The following GRIA1 variants were observed in gnomAD, a reference collection of about 807,000 sequenced individuals.
GRIA1 encodes glutamate ionotropic receptor AMPA type subunit 1.
A neutral mutation model predicts 99.2 loss-of-function variants in GRIA1; 31 were observed. The ratio of observed to expected loss-of-function variants is 0.31; its 90% CI spans 0.23 to 0.42. The LOEUF is 0.42. Among genes scored for constraint, GRIA1 ranks in the 10% least tolerant of loss-of-function variants. The pLI, the probability that GRIA1 is intolerant of heterozygous loss-of-function variation, is 1.00. For missense variants in GRIA1, 782 were observed against 1,157.5 expected, an observed-to-expected ratio of 0.68 and a Z score of 4.71; for synonymous variants, 438 against 432.4, an observed-to-expected ratio of 1.01 and a Z score of -0.16.
intron 2 of GRIA1, among the ~76,000 whole-genome samples, chr5:153,639,621 G>A (rs1412105978): frequency 1.3e-5 from 2 of 152,124 alleles, no homozygotes; most frequent in Non-Finnish European, 2.9e-5. Context: ...TATTTTCTTT[G>A]TAATATTCGC....
chr5:153,650,623 C>G (rs955687030), intron 4 of GRIA1, 109 bp downstream of exon 4: 7 of 962,084 alleles, frequency 7.3e-6, no homozygotes, highest in Non-Finnish European at 1.1e-5. Flanking sequence ...GGGTTCTTGA[C>G]TAGGTGAGAC....
At chr5:153,711,040 G>A (rs1395934984) in intron 11 of GRIA1, among the ~76,000 whole-genome samples, 2 of 152,190 alleles carry the variant, frequency 1.3e-5, no homozygotes, top group African/African-American at 4.8e-5. Flanking sequence ...CTGCTCTCAA[G>A]GACTGGAGGA....
intron 2 of GRIA1, among the ~76,000 whole-genome samples, chr5:153,574,713 G>A (rs1416857176): frequency 6.6e-6 from 1 of 152,110 alleles, no homozygotes; most frequent in Non-Finnish European, 1.5e-5. Flanking sequence ...ATTTTTGTCT[G>A]AGGCAAAGCA....
At chr5:153,599,519 C>G (rs570465730) in intron 2 of GRIA1, among the ~76,000 whole-genome samples, 1 of 152,170 alleles carries the variant, frequency 6.6e-6, no homozygotes, top group Admixed American at 6.5e-5. Context: ...TAGGCACATC[C>G]TCTCACATAC....
Position 153,674,491 on chromosome 5 carries a change from C to A in GRIA1, c.700-9C>A. ...ATGTTCTAACTTCTCCCTCCTCCCC[C>A]TCTCACAGGGCTTCATGGACATTGA... On this transcript the variant is annotated splice_polypyrimidine_tract_variant and intron_variant, in intron 5 of 15. Coordinates refer to ENST00000285900, the MANE Select transcript of GRIA1 (RefSeq NM_000827.4). 6.2e-7 allele frequency: 1 copy of A among 1,614,020 alleles called. No homozygotes were observed. Among genetic ancestry groups the A allele is most frequent in the Non-Finnish European group, 8.5e-7 (1 of 1,179,912 alleles).
At chr5:153,612,219 G>A (rs1469864802) in intron 2 of GRIA1, among the ~76,000 whole-genome samples, 1 of 152,216 alleles carries the variant, frequency 6.6e-6, no homozygotes, top group Non-Finnish European at 1.5e-5. Context: ...TGAATAGATA[G>A]GAGTGCTGAG....
At position 153,605,428 on chromosome 5, in the gene GRIA1, C is replaced by T. The variant is rs539214891; in HGVS notation, c.221-41500C>T. Among the ~76,000 whole-genome samples, 11 of 152,176 alleles carry T rather than the reference C, an allele frequency of 7.2e-5. 1 individual carries two copies. In the South Asian group the frequency reaches 1.2e-3, roughly 17 times the overall value. On this transcript the variant is annotated intron_variant, in intron 2 of 15. Coordinates refer to ENST00000285900, the MANE Select transcript of GRIA1 (RefSeq NM_000827.4). ...TTCTACTCTTGATGGACATTTGGGCCGTTTACACTTTTGAATAATGAGTCT... is the reference window on the plus strand; with the variant it reads ...TTCTACTCTTGATGGACATTTGGGCTGTTTACACTTTTGAATAATGAGTCT...
At position 153,749,709 on chromosome 5, in the gene GRIA1, G is replaced by A. The variant is rs192989005; in HGVS notation, c.1824-14725G>A. 6.6e-5 allele frequency among the ~76,000 whole-genome samples: 10 copies of A among 152,152 alleles called. No individual in the cohort carries two copies. In the East Asian group the frequency reaches 1.7e-3, roughly 26 times the overall value. On this transcript the variant is annotated intron_variant, in intron 11 of 15. Transcript: ENST00000285900. ...AACACTGGGGATCAAATTTGAACATGAGATTTGGAGGGACAAACATCCAAA... is the reference window on the plus strand; with the variant it reads ...AACACTGGGGATCAAATTTGAACATAAGATTTGGAGGGACAAACATCCAAA...
intron 10 of GRIA1, among the ~76,000 whole-genome samples, chr5:153,702,175 A>T (rs962663207): frequency 6.6e-6 from 1 of 152,212 alleles, no homozygotes; most frequent in Non-Finnish European, 1.5e-5. Context: ...AGGCGGTAAA[A>T]CCAATATTAA....
chr5:153,514,690 C>T (rs964191251), intron 2 of GRIA1, among the ~76,000 whole-genome samples: 1 of 152,106 alleles, frequency 6.6e-6, no homozygotes, highest in South Asian at 2.1e-4. Context: ...TAGTTCCATA[C>T]AAATTTTGGG....
rs185898538 is a variant in GRIA1 at position 153,643,274 on chromosome 5, C to G, written c.221-3654C>G. Among the ~76,000 whole-genome samples the G allele has an allele frequency of 2.0e-5, 3 of 152,300 alleles. No homozygotes were observed. The East Asian group carries it at 5.8e-4, about 29-fold the overall frequency. On this transcript the variant is annotated intron_variant, in intron 2 of 15. Coordinates refer to ENST00000285900, the MANE Select transcript of GRIA1 (RefSeq NM_000827.4). ...TTAAGCATTATAGAGATCAAACAATCATTTCACAGATGGGAAAGCTGAGGC... is the reference window on the plus strand; with the variant it reads ...TTAAGCATTATAGAGATCAAACAATGATTTCACAGATGGGAAAGCTGAGGC...
chr5:153,621,974 C>T lies in GRIA1; in HGVS notation c.221-24954C>T, dbSNP rs145076477. On this transcript the variant is annotated intron_variant, in intron 2 of 15. Transcript: ENST00000285900. Reference sequence around the variant, plus strand: ...ACAGGATTCAAATGGAGATCATCACCATTCTAGGAGCTGCTAAACAGAACA... The same window carrying T: ...ACAGGATTCAAATGGAGATCATCACTATTCTAGGAGCTGCTAAACAGAACA... Among the ~76,000 whole-genome samples the T allele has an allele frequency of 5.6e-3, 852 of 152,246 alleles. 9 individuals carry two copies. Among genetic ancestry groups the T allele is most frequent in the African/African-American group, 0.019 (781 of 41,542 alleles).
chr5:153,658,890 C>T (rs1440893753), intron 5 of GRIA1, among the ~76,000 whole-genome samples: 2 of 152,042 alleles, frequency 1.3e-5, no homozygotes, highest in Non-Finnish European at 2.9e-5. Flanking sequence ...CAAATAGCCA[C>T]CTTTGAAGGG....
At chr5:153,597,179 G>A (rs142004036) in intron 2 of GRIA1, among the ~76,000 whole-genome samples, 28 of 152,304 alleles carry the variant, frequency 1.8e-4, no homozygotes, top group African/African-American at 3.4e-4. Context: ...TTGAAGGGGC[G>A]CTTTGGTCAA....
chr5:153,799,505 T>C (rs558505838), intron 14 of GRIA1, among the ~76,000 whole-genome samples: 1 of 152,276 alleles, frequency 6.6e-6, no homozygotes, highest in South Asian at 2.1e-4. Flanking sequence ...TCCTCAGCTA[T>C]CTGGACTAAG....
At position 153,755,847 on chromosome 5, in the gene GRIA1, A is replaced by G. The variant is rs572841781; in HGVS notation, c.1824-8587A>G. On this transcript the variant is annotated intron_variant, in intron 11 of 15. Transcript: ENST00000285900. ...CACTGGCAGAGCCCAAGACCTAAGC[A>G]GGCTGTTTTAAGAGTGTAGAACAGC... Among the ~76,000 whole-genome samples, 588 of 152,350 alleles carry G rather than the reference A, an allele frequency of 3.9e-3. 8 individuals are homozygous for G. The highest frequency in any genetic ancestry group is 0.013 in the African/African-American group (555 of 41,580).
At chr5:153,520,399 A>G (rs578153578) in intron 2 of GRIA1, among the ~76,000 whole-genome samples, 2 of 152,336 alleles carry the variant, frequency 1.3e-5, no homozygotes, top group African/African-American at 4.8e-5. Context: ...TTACCAAATC[A>G]AAAGTTGCCA....
chr5:153,592,447 G>A (rs553500747), intron 2 of GRIA1, among the ~76,000 whole-genome samples: 11 of 152,302 alleles, frequency 7.2e-5, no homozygotes, highest in Non-Finnish European at 1.2e-4. Flanking sequence ...TTTATCTCTT[G>A]TATCCTCAGT....
At chr5:153,706,516 A>G (rs1402480743) in intron 11 of GRIA1, among the ~76,000 whole-genome samples, 3 of 152,238 alleles carry the variant, frequency 2.0e-5, no homozygotes, top group Admixed American at 2.0e-4. Context: ...GAAATGTTGA[A>G]TATCTTGCCA....
Sources: allele counts gnomAD v4.1 joint callset (sites outside exome capture counted in the v4.1 genomes callset), GRCh38; gene constraint gnomAD v4.1.1; transcripts MANE v1.5; gene names NCBI Gene and HGNC (gene_info 2026-07-23, HGNC 2026-07-21).